The following UACA variants were observed in gnomAD, a reference collection of about 807,000 sequenced individuals.
The protein encoded by UACA is nuclear membrane binding protein.
In UACA, 112 loss-of-function variants were observed where a neutral mutation model predicts 160.5. The ratio of observed to expected loss-of-function variants is 0.70; its 90% CI spans 0.60 to 0.82. The LOEUF (loss-of-function observed/expected upper bound fraction) is 0.82. UACA is among the 40% of genes least tolerant of loss of function. The probability of loss-of-function intolerance (pLI) is 0.00; values close to 1 mark genes in which losing one functional copy is unlikely to be tolerated. For synonymous variants in UACA, 557 were observed against 568.4 expected (o/e 0.98, Z 0.29); for missense variants, 1,574 against 1,614.6 (o/e 0.97, Z 0.43).
intron 7 of UACA, among the ~76,000 whole-genome samples, chr15:70,685,515 C>CA (rs1177855136): frequency 2.0e-5 from 3 of 151,818 alleles, no homozygotes; most frequent in African/African-American, 7.3e-5. Context: ...CAGGCATTAA[C>CA]AAAGTTTTTG....
intron 1 of UACA, among the ~76,000 whole-genome samples, chr15:70,762,838 G>A (rs771836614): frequency 6.6e-6 from 1 of 152,234 alleles, no homozygotes; most frequent in Non-Finnish European, 1.5e-5. Flanking sequence ...TCAGACCCGG[G>A]GAAGGTCCGG....
Position 70,690,938 on chromosome 15 carries a change from A to C in UACA, c.366+361T>G, listed in dbSNP as rs1365342101. Among the ~76,000 whole-genome samples the C allele has an allele frequency of 2.6e-5, 4 of 152,320 alleles. No homozygotes were observed. In the East Asian group the frequency reaches 5.8e-4, roughly 22 times the overall value. On this transcript the variant is annotated intron_variant, in intron 4 of 18. Transcript: ENST00000322954. Reference sequence around the variant, plus strand: ...GAATTTTGTGGTTATCTGATTAAAAATGTAATAATATTATGTAGTATAAGT... The same window carrying C: ...GAATTTTGTGGTTATCTGATTAAAACTGTAATAATATTATGTAGTATAAGT...
chr15:70,703,119 G>C (rs1287950295), intron 1 of UACA: 1 of 1,289,084 alleles, frequency 7.8e-7, no homozygotes, highest in Admixed American at 2.3e-5. Flanking sequence ...TAGCATACTT[G>C]TATCAACATT....
At chr15:70,769,129 C>T in the UACA span, among the ~76,000 whole-genome samples, 2 of 151,794 alleles carry the variant, frequency 1.3e-5, no homozygotes, top group African/African-American at 2.4e-5. Context: ...GAGGCCGAGG[C>T]GGGCAGGTCA....
At chr15:70,769,441 A>C in the UACA span, among the ~76,000 whole-genome samples, 1 of 151,596 alleles carries the variant, frequency 6.6e-6, no homozygotes. Context: ...ACAGTCATTT[A>C]AATTGAAATT....
chr15:70,721,386 G>C (rs1194601554), intron 1 of UACA, among the ~76,000 whole-genome samples: 2 of 152,212 alleles, frequency 1.3e-5, no homozygotes, highest in Non-Finnish European at 2.9e-5. Flanking sequence ...AGCACTCTGG[G>C]AGGCCGAGGT....
chr15:70,743,962 C>T (rs1008808768), intron 1 of UACA, among the ~76,000 whole-genome samples: 3 of 151,926 alleles, frequency 2.0e-5, no homozygotes, highest in Non-Finnish European at 4.4e-5. Flanking sequence ...AAAACTAGGA[C>T]GGCAGGGCAC....
intron 1 of UACA, among the ~76,000 whole-genome samples, chr15:70,707,480 G>A (rs1322551668): frequency 2.0e-5 from 3 of 151,908 alleles, no homozygotes; most frequent in Non-Finnish European, 4.4e-5. Context: ...AGAATAAAAA[G>A]GCAACCTACA....
intron 1 of UACA, among the ~76,000 whole-genome samples, chr15:70,755,729 C>T (rs1463312664): frequency 6.6e-6 from 1 of 151,520 alleles, no homozygotes; most frequent in Non-Finnish European, 1.5e-5. Context: ...CCCCAAGCTG[C>T]ACGCCCTCTA....
rs149316568 is a variant in UACA at position 70,668,813 on chromosome 15, G to T, written c.1871C>A (p.Ala624Asp). ...AAATTTTTCAGCTGGAATGGAAAGG[G>T]CCAACTTCGCTGACAATTCTTTTGC... The part of the protein sequence containing the change: ...GQAKELSAKL[A>D]LSIPAEKFEN... Residue 624 changes from alanine (A) to aspartate (D), a missense_variant, in exon 16 of 19, where the codon GCC (alanine) becomes GAC (aspartate). Coordinates refer to ENST00000322954, the MANE Select transcript of UACA (RefSeq NM_018003.4). The T allele has an allele frequency of 1.2e-6, 2 of 1,613,816 alleles. No homozygotes were observed. Among genetic ancestry groups the T allele is most frequent in the East Asian group, 4.5e-5 (2 of 44,874 alleles).
chr15:70,712,071 C>CATATATATATATATATATAT (rs1487784734), intron 1 of UACA, among the ~76,000 whole-genome samples: 9 of 125,072 alleles, frequency 7.2e-5, no homozygotes, highest in African/African-American at 1.4e-4. Context: ...TATATATCTC[C>CATATATATATATATATATAT]ATATACCTTC....
chr15:70,664,340 G>C (rs934568621), intron 17 of UACA, among the ~76,000 whole-genome samples: 1 of 152,154 alleles, frequency 6.6e-6, no homozygotes, highest in Non-Finnish European at 1.5e-5. Flanking sequence ...TACCCCAGCT[G>C]AATGACCCCA....
In UACA at chr15:70,656,991, G is replaced by T; in HGVS notation, c.*65C>A. 2 of 1,312,002 alleles carry T rather than the reference G, an allele frequency of 1.5e-6. No individual in the cohort carries two copies. The highest frequency in any genetic ancestry group is 2.2e-6 in the Non-Finnish European group (2 of 907,604). The allele number at this position is 1,312,002 out of a possible 1,614,324, so 81.3% of individuals were successfully genotyped here. A position where few individuals can be genotyped will look rare whatever the true frequency, so the allele number is the denominator to read the frequency against. The stretch of plus-strand genomic sequence containing the variant: ...GCACAGTAAGGCCCAGAAAGACCAT[G>T]GAGTTGCACAAAGAATGTTCAGCAC... On this transcript the variant is annotated 3_prime_UTR_variant, in exon 19 of 19. Transcript: ENST00000322954.
At chr15:70,707,311 C>A (rs1898549486) in intron 1 of UACA, among the ~76,000 whole-genome samples, 1 of 151,994 alleles carries the variant, frequency 6.6e-6, no homozygotes, top group South Asian at 2.1e-4. Context: ...AACATAAGAC[C>A]CCAAACTATA....
At chr15:70,739,393 T>A (rs761964036) in intron 1 of UACA, among the ~76,000 whole-genome samples, 1 of 151,928 alleles carries the variant, frequency 6.6e-6, no homozygotes, top group Non-Finnish European at 1.5e-5. Context: ...CAAAAACATC[T>A]CCAGACATTG....
chr15:70,744,110 T>A (rs1244983879), intron 1 of UACA, among the ~76,000 whole-genome samples: 1 of 151,760 alleles, frequency 6.6e-6, no homozygotes, highest in Admixed American at 6.6e-5. Context: ...CCAGGCATAG[T>A]GGCGGGCGCC....
intron 1 of UACA, among the ~76,000 whole-genome samples, chr15:70,703,956 T>A (rs933904381): frequency 2.6e-5 from 4 of 152,168 alleles, no homozygotes; most frequent in African/African-American, 9.7e-5. Flanking sequence ...AACGGCCCCG[T>A]GTCCCACTCT....
In UACA at chr15:70,669,118, G is replaced by C. The variant is rs1481218749; in HGVS notation, c.1566C>G (p.Ala522=). The C allele has an allele frequency of 1.9e-6, 3 of 1,613,878 alleles. No homozygotes were observed. The highest frequency in any genetic ancestry group is 2.5e-6 in the Non-Finnish European group (3 of 1,179,996). The change falls in exon 16 of 19, where the codon GCC becomes GCG. Residue 522 remains alanine (A), a synonymous_variant. Transcript: ENST00000322954. The part of the protein sequence containing the change: ...KVKQMQTHFL[A]LKEHLTSEAA... Reference sequence around the variant, plus strand: ...CTTCACTTGTTAAGTGTTCTTTAAGGGCAAGAAAATGGGTCTGCATTTGTT... The same window carrying C: ...CTTCACTTGTTAAGTGTTCTTTAAGCGCAAGAAAATGGGTCTGCATTTGTT...
At position 70,683,247 on chromosome 15, in the gene UACA, T is replaced by A. The variant is rs148100939; in HGVS notation, c.785-452A>T. Among the ~76,000 whole-genome samples, 32 of 152,068 alleles carry A rather than the reference T, an allele frequency of 2.1e-4. 1 individual carries two copies. In the South Asian group the frequency reaches 4.4e-3, roughly 21 times the overall value. On this transcript the variant is annotated intron_variant, in intron 8 of 18. Transcript: ENST00000322954. ...GGTGGTACATGCCTGTAGTCCCAGC[T>A]ACTCATGAGGCTGAGGCAGGAAGAT...
Sources: gnomAD v4.1 joint callset for allele counts (sites outside exome capture counted in the v4.1 genomes callset) on GRCh38, gnomAD v4.1.1 for gene constraint, MANE v1.5 for transcripts, NCBI Gene and HGNC (gene_info 2026-07-23, HGNC 2026-07-21) for gene names.